The following SEMA6D variants were observed in gnomAD, a reference collection of about 807,000 sequenced individuals.
The protein encoded by SEMA6D is semaphorin 6D, also known as semaphorin-6D.
SEMA6D carries 35 observed loss-of-function variants against 106.6 expected under a neutral mutation model. The ratio of observed to expected loss-of-function variants is 0.33; its 90% CI spans 0.25 to 0.44. The LOEUF is 0.44. Ranked by LOEUF, SEMA6D falls within the 20% of genes least tolerant of loss-of-function variation. The probability of loss-of-function intolerance (pLI) is 1.00; values close to 1 mark genes in which losing one functional copy is unlikely to be tolerated. For synonymous variants in SEMA6D, 499 were observed against 487.7 expected (o/e 1.02, Z -0.31); for missense variants, 1,185 against 1,345.9 (o/e 0.88, Z 1.87).
chr15:47,286,867 A>G (rs1465147754), intron 1 of SEMA6D, among the ~76,000 whole-genome samples: 1 of 152,110 alleles, frequency 6.6e-6, no homozygotes, highest in South Asian at 2.1e-4. Flanking sequence ...CTGATACCCT[A>G]TCTTCTGCAT....
At chr15:47,496,447 C>G (rs1310030495) in intron 3 of SEMA6D, among the ~76,000 whole-genome samples, 1 of 152,008 alleles carries the variant, frequency 6.6e-6, no homozygotes, top group Non-Finnish European at 1.5e-5. Flanking sequence ...GTTACCCACT[C>G]TACTGTAAGC....
At chr15:47,254,194 T>G (rs1400791986) in intron 1 of SEMA6D, among the ~76,000 whole-genome samples, 5 of 151,522 alleles carry the variant, frequency 3.3e-5, no homozygotes, top group African/African-American at 7.3e-5. Flanking sequence ...GATTTTGTAT[T>G]CTGCCACTTT....
At chr15:47,264,627 T>C (rs2034230760) in intron 1 of SEMA6D, among the ~76,000 whole-genome samples, 1 of 152,076 alleles carries the variant, frequency 6.6e-6, no homozygotes, top group Non-Finnish European at 1.5e-5. Context: ...TGGCTAGAAC[T>C]TCCAGTACAC....
chr15:47,720,340 C>T lies in SEMA6D; in HGVS notation c.-55+2648C>T, dbSNP rs950486488. Among the ~76,000 whole-genome samples the T allele has an allele frequency of 5.4e-5, 8 of 147,834 alleles. No individual in the cohort carries two copies. In the East Asian group the frequency reaches 1.4e-3, roughly 26 times the overall value. ...CAGAAATGTTGTGACTTCTTCATCA[C>T]CAACAGCTGGTTAACTTGAGTTTGA... is the stretch of plus-strand genomic sequence containing the variant. On this transcript the variant is annotated intron_variant, in intron 1 of 18. Transcript: ENST00000536845.
chr15:47,639,566 G>A (rs2077452355), intron 4 of SEMA6D, among the ~76,000 whole-genome samples: 1 of 152,130 alleles, frequency 6.6e-6, no homozygotes, highest in Non-Finnish European at 1.5e-5. Context: ...AAGGACTGCA[G>A]TATGGAAAGG....
At chr15:47,526,459 C>T (rs2044758036) in intron 3 of SEMA6D, among the ~76,000 whole-genome samples, 1 of 152,154 alleles carries the variant, frequency 6.6e-6, no homozygotes, top group African/African-American at 2.4e-5. Context: ...AGGGGCACTA[C>T]TGGGAACCTG....
intron 4 of SEMA6D, among the ~76,000 whole-genome samples, chr15:47,695,338 T>C (rs963096583): frequency 6.6e-6 from 1 of 152,218 alleles, no homozygotes; most frequent in Non-Finnish European, 1.5e-5. Flanking sequence ...TGTTTCCTAA[T>C]AGGTTATAGG....
At chr15:47,413,583 A>T (rs1311554384) in intron 2 of SEMA6D, among the ~76,000 whole-genome samples, 3 of 152,064 alleles carry the variant, frequency 2.0e-5, no homozygotes, top group African/African-American at 4.8e-5. Flanking sequence ...TCCTAGGCTC[A>T]AAGGATCCCC....
intron 2 of SEMA6D, among the ~76,000 whole-genome samples, chr15:47,440,528 A>C (rs2041850298): frequency 6.6e-6 from 1 of 152,060 alleles, no homozygotes; most frequent in Non-Finnish European, 1.5e-5. Context: ...TGGGGAAAGA[A>C]CACAAGACCC....
intron 4 of SEMA6D, among the ~76,000 whole-genome samples, chr15:47,658,994 T>C (rs1596553473): frequency 6.6e-6 from 1 of 152,106 alleles, no homozygotes; most frequent in Admixed American, 6.5e-5. Context: ...TTTAATATTC[T>C]ATTGAGGACT....
chr15:47,353,976 A>G (rs982151439), intron 1 of SEMA6D, among the ~76,000 whole-genome samples: 1 of 152,060 alleles, frequency 6.6e-6, no homozygotes, highest in South Asian at 2.1e-4. Flanking sequence ...TTTCCTAAAA[A>G]AACAGAACTC....
chr15:47,566,036 T>C (rs2046221345), intron 3 of SEMA6D, among the ~76,000 whole-genome samples: 1 of 152,236 alleles, frequency 6.6e-6, no homozygotes, highest in Non-Finnish European at 1.5e-5. Context: ...GATATAGGCC[T>C]TCACAGTTAC....
At chr15:47,209,512 C>A (rs1895340678) in intron 1 of SEMA6D, among the ~76,000 whole-genome samples, 1 of 152,148 alleles carries the variant, frequency 6.6e-6, no homozygotes, top group African/African-American at 2.4e-5. Flanking sequence ...CCCAAAGAAT[C>A]ATTTATCAAA....
At chr15:47,473,423 T>C (rs1443302174) in intron 3 of SEMA6D, among the ~76,000 whole-genome samples, 1 of 152,124 alleles carries the variant, frequency 6.6e-6, no homozygotes, top group African/African-American at 2.4e-5. Flanking sequence ...CAAGGCCAAC[T>C]TTGGAAGTCA....
intron 1 of SEMA6D, among the ~76,000 whole-genome samples, chr15:47,756,081 T>C (rs16960022): frequency 6.6e-6 from 1 of 151,812 alleles, no homozygotes; most frequent in Non-Finnish European, 1.5e-5. Flanking sequence ...GAAGTTCATA[T>C]AAAATACCAA....
At chr15:47,410,970 C>T (rs1291907074) in intron 1 of SEMA6D, among the ~76,000 whole-genome samples, 2 of 151,844 alleles carry the variant, frequency 1.3e-5, no homozygotes, top group Non-Finnish European at 2.9e-5. Context: ...TATTTTTTCT[C>T]TCCACTTAAA....
At chr15:47,189,202 C>T (rs1893786225) in intron 1 of SEMA6D, among the ~76,000 whole-genome samples, 1 of 151,928 alleles carries the variant, frequency 6.6e-6, no homozygotes, top group Non-Finnish European at 1.5e-5. Context: ...TCCTCTGTCT[C>T]TCTATCATTG....
In SEMA6D at chr15:47,358,550, T is replaced by C. The variant is rs74828192; in HGVS notation, c.-238-53843T>C. ...CTGTGATGGTAGAAAATATGATTCCTACTCCTTTACCCTCCAAAATCATCC... is the reference window on the plus strand; with the variant it reads ...CTGTGATGGTAGAAAATATGATTCCCACTCCTTTACCCTCCAAAATCATCC... On this transcript the variant is annotated intron_variant, in intron 1 of 19. Coordinates refer to the SEMA6D transcript ENST00000558014. 6.6e-5 allele frequency among the ~76,000 whole-genome samples: 10 copies of C among 152,374 alleles called. No individual in the cohort carries two copies. In the East Asian group the frequency reaches 1.9e-3, roughly 29 times the overall value.
At chr15:47,274,098 G>C (rs575619915) in intron 1 of SEMA6D, 1 of 152,188 alleles carries the variant, frequency 6.6e-6, no homozygotes, top group South Asian at 2.1e-4. Flanking sequence ...GGGCAACTCC[G>C]TTTGCATCTC....
Sources: allele counts gnomAD v4.1 joint callset (sites outside exome capture counted in the v4.1 genomes callset), GRCh38; gene constraint gnomAD v4.1.1; transcripts MANE v1.5; gene names NCBI Gene and HGNC (gene_info 2026-07-23, HGNC 2026-07-21).